KTN1: variants seen among roughly 807,000 people sequenced by gnomAD.
KTN1 encodes kinectin 1, also known as kinectin.
A neutral mutation model predicts 222.5 loss-of-function variants in KTN1; 130 were observed. The ratio of observed to expected loss-of-function variants is 0.58; its 90% CI spans 0.51 to 0.68. The LOEUF is 0.68. KTN1 is among the 30% of genes least tolerant of loss of function. KTN1 has a pLI of 0.00. For synonymous variants in KTN1, 512 were observed against 496.3 expected (o/e 1.03, Z -0.42); for missense variants, 1,508 against 1,500.4 (o/e 1.01, Z -0.08).
chr14:55,659,703 T>G lies in KTN1; in HGVS notation c.2999T>G (p.Val1000Gly), dbSNP rs1375805104. ...CCCCCTCATGAAGAATTATTAAAAG[T>G]GTAAGTAATAAGTTTGAGTCACAGT... The part of the protein sequence containing the change: ...SFPPHEELLK[V>G]ISEREKEISG... Residue 1000 changes from valine to glycine, a missense_variant and splice_region_variant, in exon 31 of 44, where the codon GTA (valine) becomes GGA (glycine). Physicochemically the swap from Val to Gly is moderately radical, Grantham distance 109 (BLOSUM62 -3). Coordinates refer to ENST00000395314, the MANE Select transcript of KTN1 (RefSeq NM_001079521.2). The G allele has an allele frequency of 6.8e-7, 1 of 1,462,740 alleles. No individual in the cohort carries two copies. Among genetic ancestry groups the G allele is most frequent in the Non-Finnish European group, 9.6e-7 (1 of 1,044,060 alleles). The allele number at this position is 1,462,740 out of a possible 1,614,324, so 90.6% of individuals were successfully genotyped here.
chr14:55,648,167 G>A (rs753205729), intron 20 of KTN1, 52 bp downstream of exon 20: 2 of 872,416 alleles, frequency 2.3e-6, no homozygotes, highest in Admixed American at 2.5e-5. Context: ...TGACATAAAA[G>A]GATTTCTCTG....
chr14:55,652,000 T>C lies in KTN1; in HGVS notation c.2603+73T>C, dbSNP rs3736875. 1.2e-4 allele frequency: 114 copies of C among 946,756 alleles called. No individual in the cohort carries two copies. In the East Asian group the frequency reaches 2.7e-3, roughly 23 times the overall value. 58.6% of individuals were successfully genotyped at this position (946,756 alleles called of 1,614,324 possible). ...TTAAATAGAAGTATAATGAAAATTA[T>C]AGCTTCTTGATTTCAAGTGGTGTTT... On this transcript the variant is annotated intron_variant, in intron 25 of 43. Transcript: ENST00000395314.
intron 1 of KTN1, among the ~76,000 whole-genome samples, chr14:55,590,945 A>G (rs1271005822): frequency 6.6e-6 from 1 of 152,162 alleles, no homozygotes; most frequent in African/African-American, 2.4e-5. Context: ...AAGTGCTGGG[A>G]TTACAGGCAT....
intron 30 of KTN1, among the ~76,000 whole-genome samples, chr14:55,659,224 T>C (rs144907297): frequency 3.3e-5 from 5 of 152,072 alleles, no homozygotes; most frequent in African/African-American, 1.2e-4. Flanking sequence ...TATGAAGGGC[T>C]GTGTACCTTT....
intron 30 of KTN1, 119 bp downstream of exon 30, chr14:55,658,733 A>G (rs371245058): frequency 4.3e-5 from 27 of 626,708 alleles, no homozygotes; most frequent in East Asian, 4.0e-4. Flanking sequence ...TGTTTTATTT[A>G]TGTTTATCAA....
At chr14:55,596,955 C>T (rs1340597134) in intron 1 of KTN1, among the ~76,000 whole-genome samples, 1 of 151,750 alleles carries the variant, frequency 6.6e-6, no homozygotes, top group Non-Finnish European at 1.5e-5. Context: ...AAGAATAGAA[C>T]GTTATGGTGA....
chr14:55,674,882 G>A (rs1016209081), intron 40 of KTN1: 4 of 152,062 alleles, frequency 2.6e-5, no homozygotes, highest in African/African-American at 7.2e-5. Context: ...TTGCCTGTAC[G>A]TGCTTTGTGT....
intron 14 of KTN1, 80 bp downstream of exon 14, chr14:55,640,083 GTA>G: frequency 1.2e-6 from 1 of 859,674 alleles, no homozygotes; most frequent in Non-Finnish European, 1.9e-6. Flanking sequence ...ATCAGTAAGT[GTA>G]TATGAAAAAT....
chr14:55,632,040 A>G (rs1205956958), intron 7 of KTN1, among the ~76,000 whole-genome samples: 1 of 152,150 alleles, frequency 6.6e-6, no homozygotes, highest in East Asian at 1.9e-4. Flanking sequence ...CACTAATAGC[A>G]AAAAAGAAGT....
chr14:55,648,478 C>T (rs1316700176), intron 20 of KTN1, among the ~76,000 whole-genome samples: 2 of 151,916 alleles, frequency 1.3e-5, no homozygotes, highest in East Asian at 3.9e-4. Context: ...GAAAAGGTTG[C>T]GGGAAGAAGT....
At chr14:55,621,782 A>G (rs1265733919) in intron 5 of KTN1, among the ~76,000 whole-genome samples, 4 of 152,014 alleles carry the variant, frequency 2.6e-5, no homozygotes, top group Non-Finnish European at 5.9e-5. Context: ...TTAAAATGTC[A>G]TCTGTTGTCA....
At chr14:55,635,040 A>T (rs1280244080) in intron 9 of KTN1, among the ~76,000 whole-genome samples, 2 of 152,094 alleles carry the variant, frequency 1.3e-5, no homozygotes, top group Non-Finnish European at 2.9e-5. Flanking sequence ...ACAATTCGAG[A>T]TGAGGTTTGG....
chr14:55,653,004 T>G lies in KTN1; in HGVS notation c.2695-13T>G, dbSNP rs751600720. ...CTTGACTATCAATTTAATTTACACC[T>G]ATTCTTTTTAAGGATCTTCAAGAAG... On this transcript the variant is annotated splice_polypyrimidine_tract_variant and intron_variant, in intron 26 of 43. Coordinates refer to ENST00000395314, the MANE Select transcript of KTN1 (RefSeq NM_001079521.2). 1 of 1,593,560 alleles carries G rather than the reference T, an allele frequency of 6.3e-7. No individual in the cohort carries two copies. Among genetic ancestry groups the G allele is most frequent in the East Asian group, 2.2e-5 (1 of 44,646 alleles).
Position 55,605,970 on chromosome 14 carries a change from A to T in KTN1, c.-30-6049A>T, listed in dbSNP as rs78018454. On this transcript the variant is annotated intron_variant, in intron 1 of 43. Coordinates refer to ENST00000395314, the MANE Select transcript of KTN1 (RefSeq NM_001079521.2). ...TAACTTGTCTGTTTAAAAAAAAATA[A>T]GATAGTAATGTGGGTTTAAAGAAAG... Among the ~76,000 whole-genome samples the T allele has an allele frequency of 5.1e-3, 776 of 152,332 alleles. 10 individuals are homozygous for T. The highest frequency in any genetic ancestry group is 0.018 in the African/African-American group (751 of 41,576).
chr14:55,641,295 T>C, intron 17 of KTN1, 87 bp downstream of exon 17: 2 of 738,242 alleles, frequency 2.7e-6, no homozygotes. Context: ...CTACGTTTTG[T>C]ATGAAGTCAC....
intron 10 of KTN1, among the ~76,000 whole-genome samples, 164 bp downstream of exon 10, chr14:55,636,700 T>G (rs529333831): frequency 6.6e-6 from 1 of 152,226 alleles, no homozygotes; most frequent in Non-Finnish European, 1.5e-5. Flanking sequence ...TTTGTTAGGG[T>G]TTTAAAATAA....
chr14:55,635,121 A>G (rs2040973433), intron 9 of KTN1, among the ~76,000 whole-genome samples: 1 of 152,182 alleles, frequency 6.6e-6, no homozygotes, highest in South Asian at 2.1e-4. Flanking sequence ...ATAGGTTTGA[A>G]AAATATAGTT....
In KTN1 at chr14:55,640,982, A is replaced by T. The variant is rs746742162; in HGVS notation, c.2021+12A>T. The T allele has an allele frequency of 8.8e-6, 14 of 1,598,788 alleles. No individual in the cohort carries two copies. The highest frequency in any genetic ancestry group is 1.1e-5 in the Non-Finnish European group (13 of 1,166,832). On this transcript the variant is annotated intron_variant, in intron 16 of 43. Coordinates refer to ENST00000395314, the MANE Select transcript of KTN1 (RefSeq NM_001079521.2). The stretch of plus-strand genomic sequence containing the variant: ...AAGATGCAACAAAGGTGACTAAAGT[A>T]TTGTACATCTAGTCGTTCATACATT...
chr14:55,649,805 T>G lies in KTN1; in HGVS notation c.2397T>G (p.Leu799=). The G allele has an allele frequency of 6.6e-7, 1 of 1,504,874 alleles. No homozygotes were observed. The allele number at this position is 1,504,874 out of a possible 1,614,324, so 93.2% of individuals were successfully genotyped here. ...QVSFASLVEE[L]KKVIHEKDGK... is the part of the protein sequence containing the mutation. ...CTTTTGCCTCTCTAGTTGAAGAACT[T>G]AAGAAAGTGTAAGTGATAACATTAT... The change falls in exon 22 of 44, where the codon CTT becomes CTG. Residue 799 remains leucine, a synonymous_variant. Transcript: ENST00000395314.
Sources: gnomAD v4.1 joint callset for allele counts (sites outside exome capture counted in the v4.1 genomes callset) on GRCh38, gnomAD v4.1.1 for gene constraint, MANE v1.5 for transcripts, NCBI Gene and HGNC (gene_info 2026-07-23, HGNC 2026-07-21) for gene names.